PLPPR5: variants seen among roughly 807,000 people sequenced by gnomAD.
The protein encoded by PLPPR5 is phospholipid phosphatase related 5.
In PLPPR5, 16 loss-of-function variants were observed where a neutral mutation model predicts 33.9. The ratio of observed to expected loss-of-function variants is 0.47; its 90% CI spans 0.32 to 0.72. The LOEUF is 0.72. Ranked by LOEUF, PLPPR5 falls within the 30% of genes least tolerant of loss-of-function variation. The probability of loss-of-function intolerance (pLI) is 0.03; values close to 1 mark genes in which losing one functional copy is unlikely to be tolerated. For missense variants in PLPPR5, 301 were observed against 406.7 expected (o/e 0.74, Z 2.23); for synonymous variants, 163 against 150.3 (o/e 1.08, Z -0.62).
chr1:98,967,701 T>C (rs1282715777), intron 1 of PLPPR5, among the ~76,000 whole-genome samples: 1 of 152,126 alleles, frequency 6.6e-6, no homozygotes, highest in Non-Finnish European at 1.5e-5. Context: ...ATGGGGCTGT[T>C]GTGAGGTTAT....
chr1:98,956,709 T>C lies in PLPPR5; in HGVS notation c.270A>G (p.Leu90=). 14 of 1,586,690 alleles carry C rather than the reference T, an allele frequency of 8.8e-6. No homozygotes were observed. Among genetic ancestry groups the C allele is most frequent in the Non-Finnish European group, 1.2e-5 (14 of 1,169,704 alleles). The part of the protein sequence containing the change: ...IIVGETAVFC[L]QLATRDFENQ... Reference sequence around the variant, plus strand: ...TTTCAAAATCCCTTGTGGCTAGTTGTAGGCAAAAGACAGCAGTTTCTCCAA... The same window carrying C: ...TTTCAAAATCCCTTGTGGCTAGTTGCAGGCAAAAGACAGCAGTTTCTCCAA... Residue 90 remains leucine, a synonymous_variant, in exon 2 of 6, where the codon CTA becomes CTG. Coordinates refer to ENST00000263177, the MANE Select transcript of PLPPR5 (RefSeq NM_001037317.2).
intron 3 of PLPPR5, among the ~76,000 whole-genome samples, chr1:98,931,003 G>A (rs1262076934): frequency 3.3e-5 from 5 of 151,988 alleles, no homozygotes; most frequent in Non-Finnish European, 5.9e-5. Context: ...CAAAAACTTC[G>A]TTTAAGGCAT....
chr1:98,942,457 AG>A (rs977760079), intron 3 of PLPPR5, among the ~76,000 whole-genome samples: 3 of 152,210 alleles, frequency 2.0e-5, no homozygotes, highest in Admixed American at 2.0e-4. Context: ...GCTGTGCATT[AG>A]CTTGTTAGAT....
chr1:98,950,895 G>A (rs536764992), intron 3 of PLPPR5, among the ~76,000 whole-genome samples: 21 of 151,940 alleles, frequency 1.4e-4, no homozygotes, highest in Admixed American at 1.1e-3. Context: ...TTTTTGTAAA[G>A]ATGGGATCTC....
intron 3 of PLPPR5, among the ~76,000 whole-genome samples, chr1:98,928,142 G>A (rs2101171214): frequency 6.6e-6 from 1 of 152,112 alleles, no homozygotes; most frequent in East Asian, 1.9e-4. Context: ...GTAGCCATTA[G>A]CACTTGAAAT....
At chr1:98,931,254 C>T (rs577558370) in intron 3 of PLPPR5, among the ~76,000 whole-genome samples, 11 of 152,174 alleles carry the variant, frequency 7.2e-5, no homozygotes, top group Admixed American at 2.0e-4. Context: ...GTAACCTCAG[C>T]GCCTGGTATG....
intron 1 of PLPPR5, among the ~76,000 whole-genome samples, chr1:98,994,562 T>C (rs570408743): frequency 1.8e-4 from 27 of 152,264 alleles, no homozygotes; most frequent in African/African-American, 5.5e-4. Flanking sequence ...TCCTAAGTTA[T>C]GAAGTCTGTA....
chr1:98,893,616 G>A (rs1468440270), intron 5 of PLPPR5, among the ~76,000 whole-genome samples: 2 of 81,564 alleles, frequency 2.5e-5, no homozygotes, highest in African/African-American at 4.0e-5. Context: ...TCTTCACAGC[G>A]CCTTTTTTTT....
At chr1:98,920,956 T>A (rs1649531189) in intron 4 of PLPPR5, among the ~76,000 whole-genome samples, 1 of 152,174 alleles carries the variant, frequency 6.6e-6, no homozygotes, top group Non-Finnish European at 1.5e-5. Context: ...GTTCAGGCTG[T>A]TTATTATATA....
At chr1:99,003,408 C>T (rs1652943017) in intron 1 of PLPPR5, among the ~76,000 whole-genome samples, 1 of 151,856 alleles carries the variant, frequency 6.6e-6, no homozygotes, top group South Asian at 2.1e-4. Context: ...CCTTCATTTT[C>T]TTATTTCCCG....
At chr1:98,952,031 G>T (rs1275930357) in intron 3 of PLPPR5, among the ~76,000 whole-genome samples, 1 of 152,162 alleles carries the variant, frequency 6.6e-6, no homozygotes, top group African/African-American at 2.4e-5. Context: ...GGGAGGCCAA[G>T]GTGGGCAGAT....
chr1:98,971,691 T>C (rs1298512012), intron 1 of PLPPR5, among the ~76,000 whole-genome samples: 1 of 152,076 alleles, frequency 6.6e-6, no homozygotes, highest in African/African-American at 2.4e-5. Flanking sequence ...GCAGTTAGCA[T>C]GAGTGTTGCT....
intron 5 of PLPPR5, among the ~76,000 whole-genome samples, chr1:98,903,765 T>C (rs1648788869): frequency 6.6e-6 from 1 of 152,106 alleles, no homozygotes; most frequent in Admixed American, 6.6e-5. Flanking sequence ...AGGGAAACCA[T>C]CATTGTATCA....
chr1:98,964,197 A>G (rs1651353088), intron 1 of PLPPR5, among the ~76,000 whole-genome samples: 1 of 152,216 alleles, frequency 6.6e-6, no homozygotes, highest in Non-Finnish European at 1.5e-5. Context: ...GTCACTTCAC[A>G]GTTTTCTTTG....
chr1:98,953,548 G>C (rs1275661598), intron 2 of PLPPR5, among the ~76,000 whole-genome samples: 1 of 152,038 alleles, frequency 6.6e-6, no homozygotes, highest in Non-Finnish European at 1.5e-5. Context: ...GTCTACTACT[G>C]GTTTTTGGGC....
intron 1 of PLPPR5, among the ~76,000 whole-genome samples, chr1:98,961,940 C>A (rs754118504): frequency 6.6e-6 from 1 of 152,186 alleles, no homozygotes; most frequent in Non-Finnish European, 1.5e-5. Context: ...CCCTAAACCC[C>A]AGATGCAGGT....
intron 3 of PLPPR5, among the ~76,000 whole-genome samples, chr1:98,925,110 A>G (rs1197333711): frequency 6.6e-6 from 1 of 152,250 alleles, no homozygotes; most frequent in South Asian, 2.1e-4. Context: ...CATAAAGTCT[A>G]TTATTCTTAA....
intron 5 of PLPPR5, among the ~76,000 whole-genome samples, chr1:98,899,213 C>T (rs553735411): frequency 1.3e-5 from 2 of 152,306 alleles, no homozygotes; most frequent in East Asian, 1.9e-4. Flanking sequence ...AGAGGTTCTG[C>T]AGGCCCAGCT....
Position 98,956,617 on chromosome 1 carries a change from C to A in PLPPR5, c.362G>T (p.Arg121Leu). 1 of 1,578,042 alleles carries A rather than the reference C, an allele frequency of 6.3e-7. No individual in the cohort carries two copies. The highest frequency in any genetic ancestry group is 1.4e-5 in the African/African-American group (1 of 72,826). ...YINPLVRRTV[R>L]FLGIYTFGLF... ...ATTTAATGAACACATACCAAGAAATCGGACAGTTCGGCGCACCAGCGGGTT... is the reference window on the plus strand; with the variant it reads ...ATTTAATGAACACATACCAAGAAATAGGACAGTTCGGCGCACCAGCGGGTT... Residue 121 changes from arginine (R) to leucine (L), a missense_variant, in exon 2 of 6, where the codon CGA becomes CTA. Physicochemically the swap from Arg to Leu is moderately radical, Grantham distance 102. Coordinates refer to ENST00000263177, the MANE Select transcript of PLPPR5 (RefSeq NM_001037317.2).
Sources: gnomAD v4.1 joint callset for allele counts (sites outside exome capture counted in the v4.1 genomes callset) on GRCh38, gnomAD v4.1.1 for gene constraint, MANE v1.5 for transcripts, NCBI Gene and HGNC (gene_info 2026-07-23, HGNC 2026-07-21) for gene names.